The following PEX2 variants were observed in gnomAD, a reference collection of about 807,000 sequenced individuals.
PEX2 encodes the protein peroxisome biogenesis factor 2.
Under a neutral mutation model 25.2 loss-of-function variants are expected in PEX2, and 19 were observed. That is an observed-to-expected ratio of 0.75 (90% CI 0.53 to 1.10). The LOEUF (loss-of-function observed/expected upper bound fraction) is 1.10, where lower values mean the gene tolerates loss of function less well. PEX2 is among the 50% of genes least tolerant of loss of function. The probability of loss-of-function intolerance (pLI) is 0.00; values close to 1 mark genes in which losing one functional copy is unlikely to be tolerated. For missense variants in PEX2, 347 were observed against 350.6 expected (o/e 0.99, Z 0.08); for synonymous variants, 141 against 127.7 (o/e 1.10, Z -0.70).
chr8:76,988,783 C>T (rs10808814), intron 1 of PEX2, among the ~76,000 whole-genome samples: 34,741 of 151,998 alleles, frequency 0.23, 4,292 homozygotes, highest in Admixed American at 0.31. Flanking sequence ...CCTGCCATTG[C>T]TTTATCAATT....
chr8:76,986,826 T>G (rs911223908), intron 2 of PEX2, among the ~76,000 whole-genome samples: 2 of 152,206 alleles, frequency 1.3e-5, no homozygotes, highest in African/African-American at 4.8e-5. Context: ...CATAAACTAC[T>G]TTTAAATGGT....
rs1484917700 is a variant in PEX2 at position 76,984,117 on chromosome 8, T to C, written c.62A>G (p.Asp21Gly). 6.2e-6 allele frequency: 10 copies of C among 1,613,846 alleles called. No individual in the cohort carries two copies. Among genetic ancestry groups the C allele is most frequent in the Non-Finnish European group, 7.6e-6 (9 of 1,179,890 alleles). ...ANRVLRISQL[D>G]ALELNKALEQ... ...CAGGGCCTTGTTTAGTTCAAGTGCATCCAACTGGCTTATTCTTAGCACTCT... is the reference window on the plus strand; with the variant it reads ...CAGGGCCTTGTTTAGTTCAAGTGCACCCAACTGGCTTATTCTTAGCACTCT... Residue 21 changes from aspartate (D) to glycine (G), a missense_variant, in exon 4 of 4, where the codon GAT becomes GGT. Asp to Gly is a moderately conservative substitution (Grantham distance 94). Coordinates refer to ENST00000357039, the MANE Select transcript of PEX2 (RefSeq NM_000318.3).
At chr8:76,994,292 G>A (rs1807257123) in intron 1 of PEX2, among the ~76,000 whole-genome samples, 1 of 152,088 alleles carries the variant, frequency 6.6e-6, no homozygotes, top group Admixed American at 6.6e-5. Context: ...TCTCACTGAG[G>A]AAGAAGGAAT....
intron 1 of PEX2, among the ~76,000 whole-genome samples, chr8:76,994,198 A>C (rs1373923002): frequency 6.6e-6 from 1 of 152,152 alleles, no homozygotes; most frequent in Non-Finnish European, 1.5e-5. Context: ...TAAATAACTC[A>C]TGCTTTCCTT....
In PEX2 at chr8:76,981,511, T is replaced by G. The variant is rs1212556305; in HGVS notation, c.*1750A>C. 4 of 152,186 alleles carry G rather than the reference T, an allele frequency of 2.6e-5. No individual in the cohort carries two copies. The highest frequency in any genetic ancestry group is 2.0e-4 in the Admixed American group (3 of 15,272). The allele number at this position is 152,186 out of a possible 1,614,324, so 9.4% of individuals were successfully genotyped here. On this transcript the variant is annotated 3_prime_UTR_variant, in exon 4 of 4. Transcript: ENST00000357039. ...AAAACAAAGACGTTTGTATATATTT[T>G]TATTTTTTTAGAAACGAACTCAAAC...
chr8:76,991,218 T>C (rs190411490), intron 1 of PEX2, among the ~76,000 whole-genome samples: 93 of 152,298 alleles, frequency 6.1e-4, no homozygotes, highest in Non-Finnish European at 1.1e-3. Context: ...TTTGGAGGAA[T>C]TACACTTAAA....
At chr8:76,984,550 C>T (rs1806950630) in intron 3 of PEX2, among the ~76,000 whole-genome samples, 1 of 152,076 alleles carries the variant, frequency 6.6e-6, no homozygotes, top group South Asian at 2.1e-4. Context: ...CATTAAAATC[C>T]TGAAGCTAAC....
chr8:76,983,228 C>T lies in PEX2; in HGVS notation c.*33G>A, dbSNP rs767156920. 7 of 1,605,666 alleles carry T rather than the reference C, an allele frequency of 4.4e-6. No individual in the cohort carries two copies. In the South Asian group the frequency reaches 5.5e-5, roughly 13 times the overall value. ...TAATATTAAGAATTTAAACACGGTGCATTTTTTTCCTCAAAGGAAGCAATT... is the reference window on the plus strand; with the variant it reads ...TAATATTAAGAATTTAAACACGGTGTATTTTTTTCCTCAAAGGAAGCAATT... On this transcript the variant is annotated 3_prime_UTR_variant, in exon 4 of 4. Transcript: ENST00000357039.
chr8:76,998,664 G>C (rs1465749043), intron 1 of PEX2, among the ~76,000 whole-genome samples: 1 of 152,154 alleles, frequency 6.6e-6, no homozygotes, highest in East Asian at 1.9e-4. Context: ...CAAGAACCTT[G>C]TTATTCAAGC....
intron 2 of PEX2, among the ~76,000 whole-genome samples, chr8:76,987,557 T>G (rs2132049118): frequency 6.6e-6 from 1 of 152,230 alleles, no homozygotes; most frequent in African/African-American, 2.4e-5. Flanking sequence ...CTAGTAAGAT[T>G]TACATTTTAG....
intron 1 of PEX2, among the ~76,000 whole-genome samples, chr8:76,997,759 G>C (rs1220234323): frequency 6.6e-6 from 1 of 152,188 alleles, no homozygotes; most frequent in Non-Finnish European, 1.5e-5. Flanking sequence ...CAACATAGAA[G>C]AAGGTATTTT....
chr8:76,987,491 A>C (rs1440319089), intron 2 of PEX2, among the ~76,000 whole-genome samples: 2 of 152,166 alleles, frequency 1.3e-5, no homozygotes, highest in Non-Finnish European at 2.9e-5. Flanking sequence ...CAAGCTGAGG[A>C]GGCTGTATTT....
rs953517125 is a variant in PEX2, at chr8:76,983,777, T to C, written c.402A>G (p.Lys134=). The part of the protein sequence containing the change: ...FRNHHLASFG[K]VKQCVNFVIG... ...TCACAAAATTCACACACTGCTTGACTTTCCCAAATGATGCTAAATGATGGT... is the reference window on the plus strand; with the variant it reads ...TCACAAAATTCACACACTGCTTGACCTTCCCAAATGATGCTAAATGATGGT... Residue 134 remains lysine, a synonymous_variant, in exon 4 of 4, where the codon AAA becomes AAG. Transcript: ENST00000357039. The C allele has an allele frequency of 1.9e-6, 3 of 1,614,114 alleles. No homozygotes were observed. The African/African-American group carries it at 4.0e-5, about 22-fold the overall frequency.
intron 1 of PEX2, among the ~76,000 whole-genome samples, chr8:76,989,078 C>A (rs1020454302): frequency 6.6e-6 from 1 of 150,602 alleles, no homozygotes; most frequent in Non-Finnish European, 1.5e-5. Context: ...TAAGGGGAGG[C>A]TGACGCAGGA....
chr8:76,982,921 C>A lies in PEX2; in HGVS notation c.*340G>T. On this transcript the variant is annotated 3_prime_UTR_variant, in exon 4 of 4. Transcript: ENST00000357039. ...CTCTGAAAATAAATGCACACTCATC[C>A]CAGAGTCTCCAAAATCTTTATCTTT... The A allele has an allele frequency of 2.9e-6, 1 of 346,470 alleles. No homozygotes were observed. Among genetic ancestry groups the A allele is most frequent in the South Asian group, 3.3e-5 (1 of 29,860 alleles). 21.5% of individuals were successfully genotyped at this position (346,470 alleles called of 1,614,324 possible).
intron 1 of PEX2, among the ~76,000 whole-genome samples, chr8:76,996,777 C>G (rs1397338638): frequency 6.7e-6 from 1 of 150,072 alleles, no homozygotes; most frequent in South Asian, 2.2e-4. Context: ...GTACAAGGCA[C>G]TACAACTTTT....
At chr8:77,000,202 G>A (rs1300890102), upstream of PEX2, 3 of 277,776 alleles carry the variant, frequency 1.1e-5, no homozygotes, top group East Asian at 1.2e-4. Flanking sequence ...GGCACTGGAT[G>A]GCCAAACAAC....
chr8:76,983,363 G>C lies in PEX2; in HGVS notation c.816C>G (p.Phe272Leu). Residue 272 changes from phenylalanine to leucine, a missense_variant, in exon 4 of 4, where the codon TTC becomes TTG. Transcript: ENST00000357039. ...GACAAGTAAAGTACACGTCAAATAA[G>C]AAACTACTCTTAGCACAGAAATAAC... ...IFCYFCAKSS[F>L]LFDVYFTCPK... The C allele has an allele frequency of 6.2e-7, 1 of 1,613,984 alleles. No individual in the cohort carries two copies. Among genetic ancestry groups the C allele is most frequent in the Non-Finnish European group, 8.5e-7 (1 of 1,179,998 alleles).
intron 1 of PEX2, among the ~76,000 whole-genome samples, chr8:76,997,591 T>C (rs934743624): frequency 6.6e-6 from 1 of 152,142 alleles, no homozygotes; most frequent in Non-Finnish European, 1.5e-5. Context: ...AGACAGTGGT[T>C]AGGCATAATC....
Sources: allele counts gnomAD v4.1 joint callset (sites outside exome capture counted in the v4.1 genomes callset), GRCh38; gene constraint gnomAD v4.1.1; transcripts MANE v1.5; gene names NCBI Gene and HGNC (gene_info 2026-07-23, HGNC 2026-07-21).